Variants in STAU1 observed in about 807,000 individuals in gnomAD.
STAU1 encodes the protein staufen double-stranded RNA binding protein 1.
Under a neutral mutation model 62.9 loss-of-function variants are expected in STAU1, and 13 were observed. The observed-to-expected ratio is 0.21, with a 90% confidence interval of 0.13 to 0.33. The LOEUF (loss-of-function observed/expected upper bound fraction) is 0.33, where lower values mean the gene tolerates loss of function less well. STAU1 is among the 10% of genes least tolerant of loss of function. The pLI is 1.00. For missense variants in STAU1, 571 were observed against 712.1 expected (o/e 0.80, Z 2.25); for synonymous variants, 269 against 265.1 (o/e 1.01, Z -0.14).
chr20:49,171,918 T>TA (rs767623434), intron 2 of STAU1, among the ~76,000 whole-genome samples: 1,909 of 130,928 alleles, frequency 0.015, 17 homozygotes, highest in South Asian at 0.022. Flanking sequence ...CAAACTACTT[T>TA]AAAAAAAAAA....
rs8123538 is a variant in STAU1 at position 49,134,256 on chromosome 20, A to C, written c.609+1577T>G. Among the ~76,000 whole-genome samples the C allele has an allele frequency of 7.2e-3, 1,087 of 151,850 alleles. 7 individuals are homozygous for C. The highest frequency in any genetic ancestry group is 0.013 in the Non-Finnish European group (861 of 67,926). The stretch of plus-strand genomic sequence containing the variant: ...AGACCAGCCTGACCAATATGGAGAA[A>C]CCCCGTTTCTACTAAAAATACAAAA... On this transcript the variant is annotated intron_variant, in intron 6 of 13. Coordinates refer to ENST00000371856, the MANE Select transcript of STAU1 (RefSeq NM_017453.4).
intron 1 of STAU1, among the ~76,000 whole-genome samples, chr20:49,185,802 G>T (rs1034651887): frequency 2.7e-4 from 41 of 152,174 alleles, no homozygotes; most frequent in African/African-American, 8.9e-4. Context: ...TTTCCCTATT[G>T]AAATATGCCA....
At chr20:49,177,566 C>T (rs1413975677) in intron 1 of STAU1, among the ~76,000 whole-genome samples, 3 of 151,966 alleles carry the variant, frequency 2.0e-5, no homozygotes, top group Non-Finnish European at 2.9e-5. Flanking sequence ...GTAGTCTCAG[C>T]TACTCGGGAG....
At chr20:49,163,981 C>T (rs917835873) in intron 3 of STAU1, among the ~76,000 whole-genome samples, 10 of 152,036 alleles carry the variant, frequency 6.6e-5, no homozygotes, top group African/African-American at 2.4e-4. Flanking sequence ...CCTGTAATTC[C>T]AGCAATTTGG....
Position 49,171,787 on chromosome 20 carries a change from T to A in STAU1, c.-85+2408A>T, listed in dbSNP as rs531772017. Among the ~76,000 whole-genome samples, 10 of 152,266 alleles carry A rather than the reference T, an allele frequency of 6.6e-5. No individual in the cohort carries two copies. The East Asian group carries it at 1.7e-3, about 26-fold the overall frequency. ...TACAGAAGCATGTCAATCACTATCG[T>A]CTTATAGGATCATTTCCAAAATGAC... is the stretch of plus-strand genomic sequence containing the variant. On this transcript the variant is annotated intron_variant, in intron 2 of 13. Coordinates refer to ENST00000371856, the MANE Select transcript of STAU1 (RefSeq NM_017453.4).
chr20:49,202,381 G>A, the STAU1 span, among the ~76,000 whole-genome samples: 1 of 151,796 alleles, frequency 6.6e-6, no homozygotes, highest in African/African-American at 2.4e-5. Flanking sequence ...GGCCAACATG[G>A]TAAAACTCGA....
chr20:49,204,623 TG>T, the STAU1 span, among the ~76,000 whole-genome samples: 65 of 40,342 alleles, frequency 1.6e-3, no homozygotes, highest in Middle Eastern at 0.018. Flanking sequence ...TATATATATA[TG>T]TGTATATATA....
At chr20:49,217,755 G>T in the STAU1 span, among the ~76,000 whole-genome samples, 1 of 148,712 alleles carries the variant, frequency 6.7e-6, no homozygotes, top group East Asian at 2.0e-4. Context: ...GCTGAGGCAG[G>T]AGAGTCGCTT....
At chr20:49,166,612 A>G (rs1379033006) in intron 2 of STAU1, among the ~76,000 whole-genome samples, 1 of 152,210 alleles carries the variant, frequency 6.6e-6, no homozygotes, top group African/African-American at 2.4e-5. Context: ...TGCAAATTTG[A>G]AAGTATGGAG....
chr20:49,206,322 T>G, the STAU1 span, among the ~76,000 whole-genome samples: 1 of 151,788 alleles, frequency 6.6e-6, no homozygotes, highest in Non-Finnish European at 1.5e-5. Flanking sequence ...CAAAGTAATG[T>G]GTGTCCATAG....
At chr20:49,201,949 G>A in the STAU1 span, among the ~76,000 whole-genome samples, 2 of 151,860 alleles carry the variant, frequency 1.3e-5, no homozygotes, top group African/African-American at 4.8e-5. Context: ...GGCCAGGCGC[G>A]GTGGCTCACG....
rs1205070630 is a variant in STAU1 at position 49,113,692 on chromosome 20, A to G, written c.*1186T>C. On this transcript the variant is annotated 3_prime_UTR_variant, in exon 14 of 14. Transcript: ENST00000371856. ...CAGTGCACACACTTCTGTGTACAGT[A>G]ACACAACATCAAAAGCAACACAGCT... is the stretch of plus-strand genomic sequence containing the variant. The G allele has an allele frequency of 6.6e-6, 1 of 152,650 alleles. No homozygotes were observed. The highest frequency in any genetic ancestry group is 1.9e-4 in the East Asian group (1 of 5,204). 9.5% of individuals were successfully genotyped at this position (152,650 alleles called of 1,614,324 possible). A position where few individuals can be genotyped will look rare whatever the true frequency, so the allele number is the denominator to read the frequency against.
intron 2 of STAU1, among the ~76,000 whole-genome samples, chr20:49,167,090 T>C (rs942889119): frequency 6.6e-6 from 1 of 152,182 alleles, no homozygotes; most frequent in Admixed American, 6.6e-5. Context: ...ATATTGTAAA[T>C]TAAGAGAATA....
chr20:49,208,271 G>A, the STAU1 span, among the ~76,000 whole-genome samples: 48 of 152,174 alleles, frequency 3.2e-4, no homozygotes, highest in African/African-American at 1.2e-3. Flanking sequence ...TGTTCTCCAG[G>A]ATGGTCTCGA....
intron 5 of STAU1, among the ~76,000 whole-genome samples, chr20:49,136,214 T>C (rs969805632): frequency 2.6e-5 from 4 of 152,168 alleles, no homozygotes; most frequent in South Asian, 2.1e-4. Context: ...GGCAGGAGCA[T>C]TGCTTGAGCC....
At chr20:49,174,505 A>G (rs2093634736) in intron 1 of STAU1, among the ~76,000 whole-genome samples, 1 of 150,298 alleles carries the variant, frequency 6.7e-6, no homozygotes, top group Admixed American at 6.6e-5. Context: ...AGACCACCTG[A>G]GACCCGGAGT....
chr20:49,138,839 G>T (rs923112473), intron 5 of STAU1, among the ~76,000 whole-genome samples: 2 of 152,036 alleles, frequency 1.3e-5, no homozygotes, highest in African/African-American at 4.8e-5. Flanking sequence ...CAGAAAAAGG[G>T]TCTACTTTTT....
chr20:49,137,090 A>G (rs906503828), intron 5 of STAU1, among the ~76,000 whole-genome samples: 2 of 152,180 alleles, frequency 1.3e-5, no homozygotes, highest in Non-Finnish European at 2.9e-5. Flanking sequence ...GTTGAGCCCA[A>G]TAGTTCAAGG....
chr20:49,193,761 G>A, the STAU1 span, among the ~76,000 whole-genome samples: 3 of 152,164 alleles, frequency 2.0e-5, no homozygotes, highest in Admixed American at 6.6e-5. Flanking sequence ...GAGGTCAGGA[G>A]ATCAAGACCA....
Sources: gnomAD v4.1 joint callset for allele counts (sites outside exome capture counted in the v4.1 genomes callset) on GRCh38, gnomAD v4.1.1 for gene constraint, MANE v1.5 for transcripts, NCBI Gene and HGNC (gene_info 2026-07-23, HGNC 2026-07-21) for gene names.